Variants in PCOLCE observed in about 807,000 individuals in gnomAD.
PCOLCE encodes procollagen C-endopeptidase enhancer 1.
In PCOLCE, 33 loss-of-function variants were observed where a neutral mutation model predicts 47.2. The observed-to-expected ratio is 0.70, with a 90% CI of 0.53 to 0.93. PCOLCE has a LOEUF of 0.93. Ranked by LOEUF, PCOLCE falls within the 40% of genes least tolerant of loss-of-function variation. The pLI, the probability that PCOLCE is intolerant of heterozygous loss-of-function variation, is 0.00. For synonymous variants in PCOLCE, 254 were observed against 252.5 expected (o/e 1.01, Z -0.06); for missense variants, 584 against 585.3 (o/e 1.00, Z 0.02).
chr7:100,605,236 G>A lies in PCOLCE; in HGVS notation c.588+21G>A, dbSNP rs1165975674. On this transcript the variant is annotated intron_variant, in intron 4 of 8. Coordinates refer to ENST00000223061, the MANE Select transcript of PCOLCE (RefSeq NM_002593.4). This position sits in a 1 kb window ranked among gnomAD's most constrained non-coding sequence, Gnocchi z 6.1. ...ACCAGGTACCGACCCTCCTCCCCGG[G>A]CTGCCCTAGGGGACCCAGGCGGCGC... is the stretch of plus-strand genomic sequence containing the variant. The A allele has an allele frequency of 6.2e-7, 1 of 1,604,350 alleles. No individual in the cohort carries two copies. The highest frequency in any genetic ancestry group is 1.3e-5 in the African/African-American group (1 of 74,766).
At position 100,605,411 on chromosome 7, in the gene PCOLCE, C is replaced by T. The variant is rs892337855; in HGVS notation, c.588+196C>T. Reference sequence around the variant, plus strand: ...ACAACTGAGACAAGTCTCAGGAGAGCGAGGTACAGGGTCCTGGTATAACAC... The same window carrying T: ...ACAACTGAGACAAGTCTCAGGAGAGTGAGGTACAGGGTCCTGGTATAACAC... On this transcript the variant is annotated intron_variant, in intron 4 of 8. Transcript: ENST00000223061. This position sits in a 1 kb window ranked among gnomAD's most constrained non-coding sequence, Gnocchi z 6.1. 11 of 671,700 alleles carry T rather than the reference C, an allele frequency of 1.6e-5. No homozygotes were observed. Among genetic ancestry groups the T allele is most frequent in the Non-Finnish European group, 2.5e-5 (10 of 401,252 alleles). The allele number at this position is 671,700 out of a possible 1,614,324, so 41.6% of individuals were successfully genotyped here. A position where few individuals can be genotyped will look rare whatever the true frequency, so the allele number is the denominator to read the frequency against.
In PCOLCE at chr7:100,605,571, AC is replaced by A; in HGVS notation, c.589-104del. 6 of 1,379,626 alleles carry A rather than the reference AC, an allele frequency of 4.3e-6. No homozygotes were observed. In the South Asian group the frequency reaches 8.3e-5, roughly 19 times the overall value. 85.5% of individuals were successfully genotyped at this position (1,379,626 alleles called of 1,614,324 possible). ...CGCCTTCAGGAGGGGGGCCCAGAGG[AC>A]GCGGGAGGTGGGAGTGGGAGCTGCT... is the stretch of plus-strand genomic sequence containing the variant. On this transcript the variant is annotated intron_variant, in intron 4 of 8. Coordinates refer to ENST00000223061, the MANE Select transcript of PCOLCE (RefSeq NM_002593.4). The surrounding 1 kb of genome is among the most constrained non-coding windows in gnomAD (Gnocchi z 6.1).
chr7:100,606,775 T>C (rs997581296), intron 6 of PCOLCE, 145 bp downstream of exon 6: 3 of 619,284 alleles, frequency 4.8e-6, no homozygotes, highest in Non-Finnish European at 8.3e-6. Context: ...GAGTTTACCA[T>C]AGCAAGACCC....
chr7:100,605,613 G>T lies in PCOLCE; in HGVS notation c.589-63G>T. The T allele has an allele frequency of 6.5e-7, 1 of 1,528,948 alleles. No homozygotes were observed. The highest frequency in any genetic ancestry group is 1.2e-5 in the South Asian group (1 of 81,786). 94.7% of individuals were successfully genotyped at this position (1,528,948 alleles called of 1,614,324 possible). On this transcript the variant is annotated intron_variant, in intron 4 of 8. Transcript: ENST00000223061. This position sits in a 1 kb window ranked among gnomAD's most constrained non-coding sequence, Gnocchi z 6.1. ...GGGAGCTGCTGCAGGCACCCAGTAG[G>T]AGATGAGGTGCAGGCGCCCAGGGGT...
chr7:100,603,409 G>C (rs1802647279), intron 1 of PCOLCE, 21 bp from the exon 2 acceptor site: 1 of 1,336,460 alleles, frequency 7.5e-7, no homozygotes, highest in Non-Finnish European at 1.1e-6. Context: ...GCTCTTTCCT[G>C]ACCCCTTTTC....
chr7:100,607,682 G>A lies in PCOLCE; in HGVS notation c.1058G>A (p.Gly353Asp). 1 of 1,614,084 alleles carries A rather than the reference G, an allele frequency of 6.2e-7. No homozygotes were observed. The highest frequency in any genetic ancestry group is 1.1e-5 in the South Asian group (1 of 91,080). Reference sequence around the variant, plus strand: ...TCCATGGTTCGGGAGCCAGGGGAGGGCCTTGCCGTGACTGTCAGTCTTATT... The same window carrying A: ...TCCATGGTTCGGGAGCCAGGGGAGGACCTTGCCGTGACTGTCAGTCTTATT... ...VKSMVREPGE[G>D]LAVTVSLIGA... Residue 353 changes from glycine (G) to aspartate (D), a missense_variant, in exon 8 of 9, where the codon GGC (glycine) becomes GAC (aspartate). Coordinates refer to ENST00000223061, the MANE Select transcript of PCOLCE (RefSeq NM_002593.4).
At position 100,605,153 on chromosome 7, in the gene PCOLCE, C is replaced by G; in HGVS notation, c.526C>G (p.Pro176Ala). ...GGGAACCCTGACCACGCCCAACTGG[C>G]CCGAGTCCGATTACCCCCCGGGCAT... ...AQGTLTTPNW[P>A]ESDYPPGISC... Residue 176 changes from proline to alanine, a missense_variant, in exon 4 of 9, where the codon CCC becomes GCC. Physicochemically the swap from Pro to Ala is conservative, Grantham distance 27. Transcript: ENST00000223061. The surrounding 1 kb of genome is among the most constrained non-coding windows in gnomAD (Gnocchi z 6.1). 7 of 1,613,016 alleles carry G rather than the reference C, an allele frequency of 4.3e-6. No individual in the cohort carries two copies. The highest frequency in any genetic ancestry group is 5.9e-6 in the Non-Finnish European group (7 of 1,179,610).
chr7:100,606,608 A>G lies in PCOLCE; in HGVS notation c.918A>G (p.Thr306=), dbSNP rs1222114499. ...CCAAGTCCCAACCTCCGGAGAAAAC[A>G]GAGGAATCTCCTTCAGCCCCTGGTG... ...LPPKSQPPEK[T]EESPSAPDAP... Residue 306 remains threonine, a synonymous_variant, in exon 6 of 9, where the codon ACA becomes ACG. Coordinates refer to ENST00000223061, the MANE Select transcript of PCOLCE (RefSeq NM_002593.4). 1 of 1,611,484 alleles carries G rather than the reference A, an allele frequency of 6.2e-7. No individual in the cohort carries two copies. The highest frequency in any genetic ancestry group is 8.5e-7 in the Non-Finnish European group (1 of 1,177,916).
In PCOLCE at chr7:100,604,414, C is replaced by A; in HGVS notation, c.463+197C>A. 1 of 635,528 alleles carries A rather than the reference C, an allele frequency of 1.6e-6. No homozygotes were observed. Among genetic ancestry groups the A allele is most frequent in the Non-Finnish European group, 2.8e-6 (1 of 360,550 alleles). The allele number at this position is 635,528 out of a possible 1,614,324, so 39.4% of individuals were successfully genotyped here. On this transcript the variant is annotated intron_variant, in intron 3 of 8. Coordinates refer to ENST00000223061, the MANE Select transcript of PCOLCE (RefSeq NM_002593.4). The surrounding 1 kb of genome is among the most constrained non-coding windows in gnomAD (Gnocchi z 6.4). ...TCTCTCCCCTCCTCCCGCACCCACC[C>A]ATCCCTCTTCCAGGGCCCCCCCCAG...
rs377749489 is a variant in PCOLCE at position 100,605,042 on chromosome 7, C to T, written c.464-49C>T. ...CAGCCTAGAGTTCTCCTGAAGCTGA[C>T]CGAGGGTCTCCACCGCCCCCCACCC... is the stretch of plus-strand genomic sequence containing the variant. On this transcript the variant is annotated intron_variant, in intron 3 of 8. Coordinates refer to ENST00000223061, the MANE Select transcript of PCOLCE (RefSeq NM_002593.4). This position sits in a 1 kb window ranked among gnomAD's most constrained non-coding sequence, Gnocchi z 6.1. 1.4e-4 allele frequency: 198 copies of T among 1,461,732 alleles called. No homozygotes were observed. In the African/African-American group the frequency reaches 2.4e-3, roughly 17 times the overall value. 90.5% of individuals were successfully genotyped at this position (1,461,732 alleles called of 1,614,324 possible). A position where few individuals can be genotyped will look rare whatever the true frequency, so the allele number is the denominator to read the frequency against.
rs180706003 is a variant in PCOLCE, at chr7:100,606,586, A to G, written c.896A>G (p.Lys299Arg). The G allele has an allele frequency of 1.9e-5, 30 of 1,613,726 alleles. No homozygotes were observed. Among genetic ancestry groups the G allele is most frequent in the Admixed American group, 1.3e-4 (8 of 60,012 alleles). Residue 299 changes from lysine (K) to arginine (R), a missense_variant, in exon 6 of 9, where the codon AAG becomes AGG. Lys to Arg is a conservative substitution (Grantham distance 26). Transcript: ENST00000223061. ...GAGCCTAAAGTCAAGCTGCCCCCCA[A>G]GTCCCAACCTCCGGAGAAAACAGAG... ...GTEPKVKLPP[K>R]SQPPEKTEES... is the part of the protein sequence containing the mutation.
In PCOLCE at chr7:100,604,429, G is replaced by GC. The variant is rs773784338; in HGVS notation, c.463+220dup. 188 of 623,356 alleles carry GC rather than the reference G, an allele frequency of 3.0e-4. No individual in the cohort carries two copies. Among genetic ancestry groups the GC allele is most frequent in the South Asian group, 5.6e-4 (30 of 53,718 alleles). 38.6% of individuals were successfully genotyped at this position (623,356 alleles called of 1,614,324 possible). ...CGCACCCACCCATCCCTCTTCCAGG[G>GC]CCCCCCCCAGGCGCGAGGCGGAAAT... On this transcript the variant is annotated intron_variant, in intron 3 of 8. Coordinates refer to ENST00000223061, the MANE Select transcript of PCOLCE (RefSeq NM_002593.4). This position sits in a 1 kb window ranked among gnomAD's most constrained non-coding sequence, Gnocchi z 6.4.
At chr7:100,607,408 T>C in intron 6 of PCOLCE, 44 bp from the exon 7 acceptor site, 1 of 1,498,056 alleles carries the variant, frequency 6.7e-7, no homozygotes, top group East Asian at 2.3e-5. Flanking sequence ...CAGTGCTCCC[T>C]CCTACCTGCT....
In PCOLCE at chr7:100,603,520, G is replaced by A; in HGVS notation, c.186G>A (p.Glu62=). The A allele has an allele frequency of 1.9e-6, 3 of 1,590,814 alleles. No individual in the cohort carries two copies. Among genetic ancestry groups the A allele is most frequent in the Non-Finnish European group, 2.6e-6 (3 of 1,162,920 alleles). Residue 62 remains glutamate (E), a synonymous_variant, in exon 2 of 9, where the codon GAG becomes GAA. Transcript: ENST00000223061. ...GFPNLYPPNK[E]CIWTITVPEG... is the part of the protein sequence containing the mutation. ...CCAACCTCTACCCCCCTAATAAGGA[G>A]TGCATCTGGACCATAACGGTGAGAA...
chr7:100,607,304 G>T, intron 6 of PCOLCE, 148 bp from the exon 7 acceptor site: 1 of 661,386 alleles, frequency 1.5e-6, no homozygotes, highest in Non-Finnish European at 2.7e-6. Flanking sequence ...GTACTCACTG[G>T]TGCCTCCTTC....
At position 100,604,565 on chromosome 7, in the gene PCOLCE, C is replaced by G; in HGVS notation, c.463+348C>G. On this transcript the variant is annotated intron_variant, in intron 3 of 8. Coordinates refer to ENST00000223061, the MANE Select transcript of PCOLCE (RefSeq NM_002593.4). This position sits in a 1 kb window ranked among gnomAD's most constrained non-coding sequence, Gnocchi z 6.4. ...CTCCGTCGGGCGCGAGGGGGCACCCCAGGGCTGGGGGGACTAGGTTCCTCC... is the reference window on the plus strand; with the variant it reads ...CTCCGTCGGGCGCGAGGGGGCACCCGAGGGCTGGGGGGACTAGGTTCCTCC... The G allele has an allele frequency of 4.7e-6, 2 of 423,666 alleles. No individual in the cohort carries two copies. The highest frequency in any genetic ancestry group is 4.2e-5 in the South Asian group (2 of 48,172). The allele number at this position is 423,666 out of a possible 1,614,324, so 26.2% of individuals were successfully genotyped here.
intron 6 of PCOLCE, 123 bp downstream of exon 6, chr7:100,606,753 G>A (rs901942895): frequency 3.5e-5 from 25 of 714,656 alleles, no homozygotes; most frequent in African/African-American, 2.9e-4. Context: ...CAGCAGGATC[G>A]CTTAAGCCTA....
chr7:100,606,128 A>G, intron 5 of PCOLCE: 1 of 528,322 alleles, frequency 1.9e-6, no homozygotes, highest in Non-Finnish European at 3.4e-6. Flanking sequence ...TAGGAATTCG[A>G]GACCAGCCTG....
chr7:100,606,051 A>G (rs574927892), intron 5 of PCOLCE: 28 of 576,732 alleles, frequency 4.9e-5, no homozygotes, highest in African/African-American at 4.5e-4. Context: ...CCACCTGGCC[A>G]GGGGTAGTGG....
Sources: gnomAD v4.1 joint callset for allele counts on GRCh38, gnomAD v4.1.1 for gene constraint, Gnocchi (gnomAD v3.1) non-coding constraint, MANE v1.5 for transcripts, NCBI Gene and HGNC (gene_info 2026-07-23, HGNC 2026-07-21) for gene names.